The following MACROD2 variants were observed in gnomAD, a reference collection of about 807,000 sequenced individuals.
MACROD2 encodes the protein ADP-ribose glycohydrolase MACROD2.
MACROD2 carries 36 observed loss-of-function variants against 70.4 expected under a neutral mutation model. That is an observed-to-expected ratio of 0.51 (90% CI 0.39 to 0.68). MACROD2 has a LOEUF of 0.68. Ranked by LOEUF, MACROD2 falls within the 30% of genes least tolerant of loss-of-function variation. MACROD2 has a pLI of 0.00. For missense variants in MACROD2, 496 were observed against 538.4 expected (o/e 0.92, Z 0.78); for synonymous variants, 172 against 178.8 (o/e 0.96, Z 0.30).
At chr20:14,056,700 T>A (rs760408077) in intron 2 of MACROD2, among the ~76,000 whole-genome samples, 2 of 152,022 alleles carry the variant, frequency 1.3e-5, no homozygotes, top group Non-Finnish European at 2.9e-5. Flanking sequence ...ATGTACAGTT[T>A]CTGGTTTTTG....
intron 5 of MACROD2, among the ~76,000 whole-genome samples, chr20:14,823,690 A>G (rs969361692): frequency 1.3e-5 from 2 of 152,142 alleles, no homozygotes; most frequent in Non-Finnish European, 2.9e-5. Context: ...TCACATGACC[A>G]TACCTTGCTG....
At chr20:15,807,493 A>G (rs2041422) in intron 8 of MACROD2, among the ~76,000 whole-genome samples, 73,183 of 151,952 alleles carry the variant, frequency 0.48, 18,561 homozygotes, top group African/African-American at 0.65. Context: ...AGCCTGCACT[A>G]TCTAATTCAG....
chr20:15,819,439 TTATATAAATA>T (rs909930419), intron 8 of MACROD2, among the ~76,000 whole-genome samples: 18 of 140,972 alleles, frequency 1.3e-4, no homozygotes, highest in African/African-American at 2.7e-4. Context: ...AAGTATATAA[TTATATAAATA>T]TATATAAATA....
chr20:15,632,384 C>T (rs915279781), intron 8 of MACROD2, among the ~76,000 whole-genome samples: 1 of 152,098 alleles, frequency 6.6e-6, no homozygotes, highest in Non-Finnish European at 1.5e-5. Flanking sequence ...TATATACCTA[C>T]CCCTGAGGAG....
chr20:15,466,348 A>G (rs2146425038), intron 7 of MACROD2, among the ~76,000 whole-genome samples: 1 of 152,222 alleles, frequency 6.6e-6, no homozygotes, highest in African/African-American at 2.4e-5. Flanking sequence ...AATTCATTCA[A>G]TTAAAGTAAT....
chr20:14,357,752 A>G (rs2083186593), intron 3 of MACROD2, among the ~76,000 whole-genome samples: 2 of 152,202 alleles, frequency 1.3e-5, no homozygotes, highest in South Asian at 2.1e-4. Flanking sequence ...TTGAACAGAG[A>G]GCAGTTTCTA....
At chr20:14,699,722 CT>C (rs1364738820) in intron 5 of MACROD2, among the ~76,000 whole-genome samples, 4 of 152,134 alleles carry the variant, frequency 2.6e-5, no homozygotes, top group African/African-American at 9.7e-5. Context: ...AAACTAATTT[CT>C]TTTCCTCAAG....
intron 6 of MACROD2, among the ~76,000 whole-genome samples, chr20:15,303,090 T>C (rs752115598): frequency 3.3e-5 from 5 of 152,216 alleles, no homozygotes; most frequent in Non-Finnish European, 7.3e-5. Flanking sequence ...CCTTATTTAG[T>C]TAATCTTCAT....
In MACROD2 at chr20:14,971,813, C is replaced by T. The variant is rs188708935; in HGVS notation, c.419-258127C>T. 5.4e-4 allele frequency among the ~76,000 whole-genome samples: 82 copies of T among 152,202 alleles called. 1 individual carries two copies. The highest frequency in any genetic ancestry group is 2.2e-3 in the Admixed American group (33 of 15,278). ...AAAAATAGGTTCTTTGCTTGGCCGG[C>T]GGCATGTTGCTTGCTTCTTACTACA... On this transcript the variant is annotated intron_variant, in intron 5 of 17. Transcript: ENST00000684519.
chr20:14,739,546 A>C (rs1490486242), intron 5 of MACROD2, among the ~76,000 whole-genome samples: 1 of 147,674 alleles, frequency 6.8e-6, no homozygotes, highest in Non-Finnish European at 1.5e-5. Flanking sequence ...TAAGACAAAC[A>C]AAGGTATTAT....
chr20:14,028,361 G>A (rs890063994), intron 2 of MACROD2, among the ~76,000 whole-genome samples: 6 of 147,574 alleles, frequency 4.1e-5, no homozygotes, highest in Admixed American at 1.3e-4. Flanking sequence ...GCTGGACCCC[G>A]TGGGGGTGGG....
intron 8 of MACROD2, among the ~76,000 whole-genome samples, chr20:15,768,046 T>A (rs1421257882): frequency 1.4e-5 from 2 of 147,822 alleles, no homozygotes; most frequent in Admixed American, 6.7e-5. Context: ...AAAAAAAAAA[T>A]AGGCAATAGA....
intron 8 of MACROD2, among the ~76,000 whole-genome samples, chr20:15,594,986 T>A (rs76181790): frequency 6.6e-6 from 1 of 152,216 alleles, no homozygotes; most frequent in Non-Finnish European, 1.5e-5. Flanking sequence ...TTGTTTCGTG[T>A]TTCCAAACAT....
At chr20:14,409,526 C>A (rs920597388) in intron 3 of MACROD2, among the ~76,000 whole-genome samples, 1 of 151,884 alleles carries the variant, frequency 6.6e-6, no homozygotes, top group Non-Finnish European at 1.5e-5. Flanking sequence ...AAGTAACCAT[C>A]GATGATGGGA....
intron 8 of MACROD2, among the ~76,000 whole-genome samples, chr20:15,741,002 T>C (rs1415823188): frequency 6.6e-6 from 1 of 152,060 alleles, no homozygotes; most frequent in Non-Finnish European, 1.5e-5. Flanking sequence ...GTCTCATCTC[T>C]GCTCAGAGCT....
At chr20:14,246,859 A>T (rs1441707068) in intron 3 of MACROD2, among the ~76,000 whole-genome samples, 2 of 152,156 alleles carry the variant, frequency 1.3e-5, no homozygotes, top group Non-Finnish European at 2.9e-5. Flanking sequence ...TACTTGATTC[A>T]TATCTGTTAT....
At chr20:15,892,245 A>T (rs964391714) in intron 10 of MACROD2, among the ~76,000 whole-genome samples, 1 of 152,208 alleles carries the variant, frequency 6.6e-6, no homozygotes, top group Non-Finnish European at 1.5e-5. Context: ...GATGTAAGTC[A>T]TGAGCTCAAT....
chr20:15,338,236 G>A (rs1015328329), intron 6 of MACROD2, among the ~76,000 whole-genome samples: 4 of 151,508 alleles, frequency 2.6e-5, no homozygotes, highest in African/African-American at 9.8e-5. Flanking sequence ...CGTGACTTAT[G>A]AGACATTGCT....
At chr20:14,879,596 CTT>C (rs966244869) in intron 5 of MACROD2, among the ~76,000 whole-genome samples, 1 of 152,144 alleles carries the variant, frequency 6.6e-6, no homozygotes, top group Non-Finnish European at 1.5e-5. Flanking sequence ...CATAAGCCTG[CTT>C]TGTTAGTCCT....
Sources: gnomAD v4.1 joint callset for allele counts (sites outside exome capture counted in the v4.1 genomes callset) on GRCh38, gnomAD v4.1.1 for gene constraint, MANE v1.5 for transcripts, NCBI Gene and HGNC (gene_info 2026-07-23, HGNC 2026-07-21) for gene names.